Variants in ALDH1L1 observed in about 807,000 individuals in gnomAD.
ALDH1L1 encodes the protein cytosolic 10-formyltetrahydrofolate dehydrogenase.
A neutral mutation model predicts 101.1 loss-of-function variants in ALDH1L1; 68 were observed. That is an observed-to-expected ratio of 0.67 (90% CI 0.55 to 0.82). The LOEUF is 0.82. Among genes scored for constraint, ALDH1L1 ranks in the 40% least tolerant of loss-of-function variants. The probability of loss-of-function intolerance (pLI) is 0.00; values close to 1 mark genes in which losing one functional copy is unlikely to be tolerated. For missense variants in ALDH1L1, 1,087 were observed against 1,172.7 expected (o/e 0.93, Z 1.07); for synonymous variants, 486 against 470.8 (o/e 1.03, Z -0.42).
chr3:126,122,831 T>C (rs12486223), intron 16 of ALDH1L1, among the ~76,000 whole-genome samples: 82,991 of 152,052 alleles, frequency 0.55, 22,797 homozygotes, highest in Middle Eastern at 0.63. Context: ...AAAATAATTA[T>C]TGAAAGCATT....
chr3:126,159,562 G>T (rs539892345), intron 2 of ALDH1L1: 3 of 456,146 alleles, frequency 6.6e-6, no homozygotes, highest in South Asian at 4.7e-5. Flanking sequence ...ACTCTGTCCT[G>T]GTGTCTGGTA....
chr3:126,120,033 G>A (rs1287827828), intron 16 of ALDH1L1, among the ~76,000 whole-genome samples: 2 of 152,236 alleles, frequency 1.3e-5, no homozygotes, highest in Admixed American at 6.5e-5. Flanking sequence ...CTGCGGGAAC[G>A]CAAAATGGCA....
intron 1 of ALDH1L1, among the ~76,000 whole-genome samples, chr3:126,194,814 C>T (rs1375317508): frequency 6.6e-6 from 1 of 152,156 alleles, no homozygotes; most frequent in Non-Finnish European, 1.5e-5. Context: ...TCACTCTCCT[C>T]ACATACCTTG....
At chr3:126,177,920 G>A (rs1441006688) in intron 1 of ALDH1L1, among the ~76,000 whole-genome samples, 1 of 152,158 alleles carries the variant, frequency 6.6e-6, no homozygotes, top group Non-Finnish European at 1.5e-5. Flanking sequence ...TGGTGCACCT[G>A]TAATCCCAGC....
At chr3:126,177,471 A>C (rs762128230) in intron 1 of ALDH1L1, among the ~76,000 whole-genome samples, 1 of 152,176 alleles carries the variant, frequency 6.6e-6, no homozygotes, top group Admixed American at 6.5e-5. Flanking sequence ...GCTATATACC[A>C]TATGATTCAT....
intron 9 of ALDH1L1, among the ~76,000 whole-genome samples, chr3:126,138,853 A>G (rs1195172530): frequency 6.6e-6 from 1 of 152,270 alleles, no homozygotes; most frequent in Non-Finnish European, 1.5e-5. Flanking sequence ...CCTTATCTAA[A>G]TAACTATGGA....
intron 1 of ALDH1L1, among the ~76,000 whole-genome samples, chr3:126,165,844 A>T (rs2108314174): frequency 6.6e-6 from 1 of 152,158 alleles, no homozygotes; most frequent in South Asian, 2.1e-4. Context: ...TGGTCTAATG[A>T]TCTTGTTTAT....
chr3:126,125,236 C>T (rs4646739), intron 15 of ALDH1L1, among the ~76,000 whole-genome samples: 88,890 of 152,064 alleles, frequency 0.58, 26,090 homozygotes, highest in Middle Eastern at 0.64. Context: ...CTTCTGGTCT[C>T]GGAAGCCACA....
chr3:126,165,269 A>G (rs2081142719), intron 1 of ALDH1L1, among the ~76,000 whole-genome samples: 1 of 152,226 alleles, frequency 6.6e-6, no homozygotes, highest in African/African-American at 2.4e-5. Context: ...CCAAGAATAA[A>G]GCCCACTTAA....
intron 1 of ALDH1L1, among the ~76,000 whole-genome samples, chr3:126,186,538 G>T (rs975859611): frequency 6.6e-6 from 1 of 152,154 alleles, no homozygotes; most frequent in Non-Finnish European, 1.5e-5. Flanking sequence ...AGGGCTTGGG[G>T]TGTGGAGAAC....
intron 20 of ALDH1L1, 109 bp from the exon 21 acceptor site, chr3:126,107,355 A>C: frequency 1.2e-6 from 1 of 855,396 alleles, no homozygotes; most frequent in Non-Finnish European, 1.9e-6. Context: ...ATGACCCGAC[A>C]TAAGCACCGG....
At chr3:126,145,111 A>G (rs937419039) in intron 9 of ALDH1L1, among the ~76,000 whole-genome samples, 4 of 152,242 alleles carry the variant, frequency 2.6e-5, no homozygotes, top group Admixed American at 2.0e-4. Flanking sequence ...GAAAATGAAA[A>G]TAAAAACTAC....
chr3:126,178,204 G>T (rs1458689217), intron 1 of ALDH1L1, among the ~76,000 whole-genome samples: 3 of 151,888 alleles, frequency 2.0e-5, no homozygotes, highest in Non-Finnish European at 4.4e-5. Flanking sequence ...AACAAAGTGA[G>T]ACCCATCTCT....
intron 5 of ALDH1L1, 65 bp from the exon 6 acceptor site, chr3:126,154,708 T>C: frequency 1.4e-6 from 2 of 1,479,332 alleles, no homozygotes. Flanking sequence ...CCTGATGACA[T>C]CTGGACAGTG....
At chr3:126,177,333 T>C (rs1275284987) in intron 1 of ALDH1L1, among the ~76,000 whole-genome samples, 1 of 152,174 alleles carries the variant, frequency 6.6e-6, no homozygotes, top group East Asian at 1.9e-4. Context: ...AGAAATAAAC[T>C]GTGGTACCTC....
Position 126,105,889 on chromosome 3 carries a change from CG to C in ALDH1L1, c.2489del (p.Thr830ArgfsTer55). On this transcript the variant is annotated frameshift_variant, in exon 22 of 23. Transcript: ENST00000393434. LOFTEE classifies it high-confidence loss of function. ...AGACACCAGAAGCCAGGCCAAATTC[CG>C]TGGCATTGGCCCGAGACAGCACGGC... ...LDAVLSRANATEFGLASGVFT... is the reference protein window; with the variant it reads ...LDAVLSRANAXEFGLASGVFT... 6.2e-7 allele frequency: 1 copy of C among 1,614,142 alleles called. No homozygotes were observed. The highest frequency in any genetic ancestry group is 8.5e-7 in the Non-Finnish European group (1 of 1,179,982).
chr3:126,184,250 G>A (rs748338670), upstream of ALDH1L1, among the ~76,000 whole-genome samples: 19 of 152,196 alleles, frequency 1.2e-4, no homozygotes, highest in Admixed American at 2.0e-4. Context: ...TCACTGTGCC[G>A]GGAATGCCCT....
At chr3:126,179,276 C>T (rs1476130592) in intron 1 of ALDH1L1, among the ~76,000 whole-genome samples, 1 of 152,272 alleles carries the variant, frequency 6.6e-6, no homozygotes, top group African/African-American at 2.4e-5. Context: ...CCAGGCTTGG[C>T]TCTCCAGGAC....
chr3:126,169,225 T>G (rs2081226257), intron 1 of ALDH1L1, among the ~76,000 whole-genome samples: 1 of 152,202 alleles, frequency 6.6e-6, no homozygotes, highest in East Asian at 1.9e-4. Context: ...CAAGAAAACT[T>G]GTCTTAAGCT....
Sources: gnomAD v4.1 joint callset for allele counts (sites outside exome capture counted in the v4.1 genomes callset) on GRCh38, gnomAD v4.1.1 for gene constraint, MANE v1.5 for transcripts, NCBI Gene and HGNC (gene_info 2026-07-23, HGNC 2026-07-21) for gene names.